ABI1: variants seen among roughly 807,000 people sequenced by gnomAD.
ABI1 encodes abl interactor 1, also known as Abelson interactor 1.
A neutral mutation model predicts 54.6 loss-of-function variants in ABI1; 14 were observed. The ratio of observed to expected loss-of-function variants is 0.26; its 90% CI spans 0.17 to 0.40. The LOEUF is 0.40. Ranked by LOEUF, ABI1 falls within the 10% of genes least tolerant of loss-of-function variation. The probability of loss-of-function intolerance (pLI) is 1.00; values close to 1 mark genes in which losing one functional copy is unlikely to be tolerated. For synonymous variants in ABI1, 194 were observed against 209.3 expected (o/e 0.93, Z 0.63); for missense variants, 443 against 598.3 (o/e 0.74, Z 2.71).
intron 2 of ABI1, among the ~76,000 whole-genome samples, chr10:26,791,762 A>G (rs1043527774): frequency 1.3e-5 from 2 of 152,204 alleles, no homozygotes; most frequent in Non-Finnish European, 2.9e-5. Flanking sequence ...AGAATGTTTT[A>G]TTTGAGTAGA....
chr10:26,765,111 C>T (rs768712754), intron 7 of ABI1, 107 bp downstream of exon 7: 159 of 804,990 alleles, frequency 2.0e-4, no homozygotes, highest in Non-Finnish European at 2.7e-4. Flanking sequence ...GCAACGATCA[C>T]AAATTTAATT....
rs778031305 is a variant in ABI1, at chr10:26,748,638, C to T, written c.1378G>A (p.Val460Ile). 2.5e-6 allele frequency: 4 copies of T among 1,613,482 alleles called. No individual in the cohort carries two copies. The East Asian group carries it at 8.9e-5, about 36-fold the overall frequency. Residue 460 changes from valine to isoleucine, a missense_variant, in exon 11 of 11, where the codon GTC becomes ATC. Val to Ile is a conservative substitution (Grantham distance 29). Transcript: ENST00000376140. ...AACAGACCAGTCACTCGATTGCAGA[C>T]TCCTTCATACCAGCCATCATCATTC... ...KKNDDGWYEG[V>I]CNRVTGLFPG...
At chr10:26,815,413 T>C (rs2047499575) in intron 2 of ABI1, among the ~76,000 whole-genome samples, 1 of 152,196 alleles carries the variant, frequency 6.6e-6, no homozygotes, top group Non-Finnish European at 1.5e-5. Flanking sequence ...AATTAAGACA[T>C]CTTCCAAAGA....
intron 2 of ABI1, chr10:26,790,610 G>A (rs942817464): frequency 6.6e-6 from 1 of 151,882 alleles, no homozygotes; most frequent in Non-Finnish European, 1.5e-5. Flanking sequence ...TCTCTGTATT[G>A]TTCCAATTTT....
intron 2 of ABI1, among the ~76,000 whole-genome samples, chr10:26,793,791 C>T (rs552633305): frequency 6.6e-6 from 1 of 152,310 alleles, no homozygotes; most frequent in African/African-American, 2.4e-5. Context: ...TGAATTTGAA[C>T]TTAATTCTTC....
At chr10:26,840,835 C>A (rs10829098) in intron 1 of ABI1, among the ~76,000 whole-genome samples, 38,896 of 151,908 alleles carry the variant, frequency 0.26, 5,643 homozygotes, top group South Asian at 0.44. Context: ...ATCTAAACAC[C>A]AATTAACAGG....
chr10:26,804,246 C>T (rs1274409190), intron 2 of ABI1, among the ~76,000 whole-genome samples: 1 of 151,868 alleles, frequency 6.6e-6, no homozygotes, highest in Non-Finnish European at 1.5e-5. Context: ...AGCCAGTCGT[C>T]GTGGTGCATG....
chr10:26,757,128 T>C (rs943761826), intron 8 of ABI1, among the ~76,000 whole-genome samples: 7 of 152,274 alleles, frequency 4.6e-5, no homozygotes, highest in South Asian at 2.1e-4. Context: ...AGAAAAGCTA[T>C]GCTGTGAAGA....
intron 1 of ABI1, among the ~76,000 whole-genome samples, chr10:26,852,979 T>C (rs771208688): frequency 7.9e-5 from 12 of 152,146 alleles, no homozygotes; most frequent in Non-Finnish European, 1.6e-4. Context: ...CACTACCAAC[T>C]ATGTCTGAGA....
At chr10:26,855,970 C>CAAAAAA in intron 1 of ABI1, among the ~76,000 whole-genome samples, 1 of 80,572 alleles carries the variant, frequency 1.2e-5, no homozygotes, top group Non-Finnish European at 2.6e-5. Flanking sequence ...GACTCCATCT[C>CAAAAAA]AAAAAAAAAA....
In ABI1 at chr10:26,748,000, T is replaced by A. The variant is rs1206347556; in HGVS notation, c.*570A>T. On this transcript the variant is annotated 3_prime_UTR_variant, in exon 11 of 11. Transcript: ENST00000376140. ...TTTTTGCTTGTTTCACATGGAGACC[T>A]TGGAGACTCAATTCACGTTAAGACA... is the stretch of plus-strand genomic sequence containing the variant. The A allele has an allele frequency of 9.9e-6, 2 of 202,734 alleles. No homozygotes were observed. The highest frequency in any genetic ancestry group is 2.0e-5 in the Non-Finnish European group (2 of 99,190). 12.6% of individuals were successfully genotyped at this position (202,734 alleles called of 1,614,324 possible). A position where few individuals can be genotyped will look rare whatever the true frequency, so the allele number is the denominator to read the frequency against.
At chr10:26,752,701 T>G (rs181437931) in intron 9 of ABI1, among the ~76,000 whole-genome samples, 1 of 152,256 alleles carries the variant, frequency 6.6e-6, no homozygotes, top group East Asian at 1.9e-4. Context: ...TATATGTGTG[T>G]GCTTTACACA....
rs372074543 is a variant in ABI1, at chr10:26,778,547, C to T, written c.286-1306G>A. ...CATGGAAAAGAACAGCTCAATGTTA[C>T]GCTTGAATCAGATCTATTATGATTC... On this transcript the variant is annotated intron_variant, in intron 2 of 10. Transcript: ENST00000376140. Among the ~76,000 whole-genome samples the T allele has an allele frequency of 1.2e-3, 186 of 150,606 alleles. 2 individuals are homozygous for T. In the South Asian group the frequency reaches 0.016, roughly 13 times the overall value.
chr10:26,794,731 A>G (rs1843913129), intron 2 of ABI1, among the ~76,000 whole-genome samples: 1 of 152,098 alleles, frequency 6.6e-6, no homozygotes, highest in African/African-American at 2.4e-5. Context: ...TTTTATTATT[A>G]TTATTGTTTC....
intron 7 of ABI1, among the ~76,000 whole-genome samples, chr10:26,761,661 T>TACACAC (rs1554806654): frequency 0.022 from 1,694 of 77,952 alleles, 69 homozygotes; most frequent in Non-Finnish European, 0.023. Context: ...TATATATATA[T>TACACAC]ACACACACAC....
chr10:26,763,380 C>T (rs1425767889), intron 7 of ABI1, among the ~76,000 whole-genome samples: 7 of 152,112 alleles, frequency 4.6e-5, no homozygotes, highest in African/African-American at 7.2e-5. Flanking sequence ...TGCATTTTAT[C>T]GAGAAAACTA....
At chr10:26,824,824 A>G (rs1277596704) in intron 1 of ABI1, among the ~76,000 whole-genome samples, 1 of 152,232 alleles carries the variant, frequency 6.6e-6, no homozygotes, top group Admixed American at 6.5e-5. Flanking sequence ...TTGGAACTAC[A>G]TACAGGCACA....
chr10:26,802,474 A>G (rs1303161316), intron 2 of ABI1, among the ~76,000 whole-genome samples: 1 of 152,206 alleles, frequency 6.6e-6, no homozygotes, highest in Non-Finnish European at 1.5e-5. Flanking sequence ...ATTGTTTGAG[A>G]GAGAGAAGGC....
At chr10:26,832,171 T>C (rs2048718277) in intron 1 of ABI1, among the ~76,000 whole-genome samples, 2 of 152,212 alleles carry the variant, frequency 1.3e-5, no homozygotes, top group Admixed American at 1.3e-4. Flanking sequence ...TTTAAGGACA[T>C]GATTACTTGT....
Sources: allele counts gnomAD v4.1 joint callset (sites outside exome capture counted in the v4.1 genomes callset), GRCh38; gene constraint gnomAD v4.1.1; transcripts MANE v1.5; gene names NCBI Gene and HGNC (gene_info 2026-07-23, HGNC 2026-07-21).